CALN1: variants seen among roughly 807,000 people sequenced by gnomAD.
CALN1 encodes the protein calneuron 1.
In CALN1, 17 loss-of-function variants were observed where a neutral mutation model predicts 30.6. The observed-to-expected ratio is 0.56, with a 90% CI of 0.38 to 0.83. The LOEUF (loss-of-function observed/expected upper bound fraction) is 0.83. CALN1 is among the 40% of genes least tolerant of loss of function. The pLI, the probability that CALN1 is intolerant of heterozygous loss-of-function variation, is 0.00. For synonymous variants in CALN1, 156 were observed against 131.4 expected (o/e 1.19, Z -1.28); for missense variants, 291 against 354.9 (o/e 0.82, Z 1.45).
At chr7:72,176,210 T>C (rs564502348) in intron 3 of CALN1, among the ~76,000 whole-genome samples, 1 of 152,322 alleles carries the variant, frequency 6.6e-6, no homozygotes, top group South Asian at 2.1e-4. Flanking sequence ...AAGCTACTTT[T>C]CGTGTTTCCT....
chr7:71,836,362 A>T (rs987771951), intron 5 of CALN1, among the ~76,000 whole-genome samples: 1 of 152,194 alleles, frequency 6.6e-6, no homozygotes, highest in Non-Finnish European at 1.5e-5. Flanking sequence ...GCACAGGTGG[A>T]CCTGGATCTG....
Position 71,810,434 on chromosome 7 carries a change from C to T in CALN1, c.560G>A (p.Arg187Gln), listed in dbSNP as rs746732814. 10 of 1,614,012 alleles carry T rather than the reference C, an allele frequency of 6.2e-6. No homozygotes were observed. The highest frequency in any genetic ancestry group is 4.5e-5 in the East Asian group (2 of 44,874). Residue 187 changes from arginine (R) to glutamine (Q), a missense_variant, in exon 6 of 7, where the codon CGA becomes CAA. Arg to Gln is a conservative substitution (Grantham distance 43). This residue lies in a region of CALN1 where 169 missense variants were observed against 251.7 expected (regional missense o/e 0.67). Coordinates refer to ENST00000395275, the MANE Select transcript of CALN1 (RefSeq NM_031468.4). ...AATGTCCTTCATCGTTAGGTGGTCT[C>T]GGAAGGCATGATAGAGAATGTGCTT... ...ELKHILYHAF[R>Q]DHLTMKDIEN...
chr7:71,830,033 C>CTTT (rs67629864), intron 5 of CALN1, among the ~76,000 whole-genome samples: 104 of 136,716 alleles, frequency 7.6e-4, no homozygotes, highest in African/African-American at 2.5e-3. Flanking sequence ...GAGTAAGTTC[C>CTTT]TTTTTTTTTT....
upstream of CALN1, among the ~76,000 whole-genome samples, chr7:72,414,923 T>C (rs1213897598): frequency 2.6e-5 from 4 of 152,218 alleles, no homozygotes; most frequent in Non-Finnish European, 4.4e-5. Context: ...TATCTGAAGA[T>C]AGGGGTTTGG....
At chr7:72,495,243 G>C in the CALN1 span, among the ~76,000 whole-genome samples, 1 of 152,110 alleles carries the variant, frequency 6.6e-6, no homozygotes, top group Non-Finnish European at 1.5e-5. Flanking sequence ...ATTTCTGCCA[G>C]GTGTTCATCC....
intron 3 of CALN1, among the ~76,000 whole-genome samples, chr7:72,142,750 AC>A (rs774351963): frequency 6.6e-6 from 1 of 152,126 alleles, no homozygotes; most frequent in Non-Finnish European, 1.5e-5. Flanking sequence ...GACACCTCAC[AC>A]GGCTGGGTAC....
At chr7:72,268,631 C>T (rs1382286970) in intron 3 of CALN1, among the ~76,000 whole-genome samples, 1 of 151,980 alleles carries the variant, frequency 6.6e-6, no homozygotes, top group Non-Finnish European at 1.5e-5. Context: ...CATGGCAAAC[C>T]CTGTCTCTAC....
chr7:72,428,216 T>C (rs768048736), intron 1 of CALN1, among the ~76,000 whole-genome samples: 2 of 152,132 alleles, frequency 1.3e-5, no homozygotes, highest in African/African-American at 2.4e-5. Flanking sequence ...AATCACAGAG[T>C]AGCTCATATT....
At chr7:72,019,542 A>T (rs1337957667) in intron 5 of CALN1, among the ~76,000 whole-genome samples, 2 of 152,196 alleles carry the variant, frequency 1.3e-5, no homozygotes, top group Non-Finnish European at 2.9e-5. Context: ...GCTTTGAGGG[A>T]AACTGGCTGC....
intron 3 of CALN1, among the ~76,000 whole-genome samples, chr7:72,118,806 C>T (rs961748938): frequency 8.5e-5 from 13 of 152,252 alleles, no homozygotes; most frequent in Middle Eastern, 6.8e-3. Flanking sequence ...GAAGGGATCT[C>T]GCATTGCTGG....
intron 4 of CALN1, among the ~76,000 whole-genome samples, chr7:72,049,419 A>G (rs1015096328): frequency 6.6e-6 from 1 of 152,220 alleles, no homozygotes; most frequent in Admixed American, 6.5e-5. Context: ...CTAGCAGATC[A>G]AATAAGCAAA....
intron 3 of CALN1, among the ~76,000 whole-genome samples, chr7:72,180,081 C>A (rs1237834564): frequency 6.6e-6 from 1 of 152,196 alleles, no homozygotes; most frequent in Non-Finnish European, 1.5e-5. Context: ...CTTTTCAAGT[C>A]ATTGACTTGT....
chr7:72,400,608 G>A (rs1361285211), intron 2 of CALN1, among the ~76,000 whole-genome samples: 2 of 152,222 alleles, frequency 1.3e-5, no homozygotes, highest in Non-Finnish European at 2.9e-5. Context: ...CATGGTTCAA[G>A]CCTATAATCC....
intron 4 of CALN1, among the ~76,000 whole-genome samples, chr7:72,044,820 A>G (rs539381704): frequency 6.6e-6 from 1 of 151,830 alleles, no homozygotes; most frequent in African/African-American, 2.4e-5. Flanking sequence ...GGGTCTCACT[A>G]TGTTCCCCAG....
chr7:71,977,965 A>C (rs1798183446), intron 5 of CALN1, among the ~76,000 whole-genome samples: 1 of 151,394 alleles, frequency 6.6e-6, no homozygotes, highest in Admixed American at 6.6e-5. Context: ...ATGCAAAGAA[A>C]ACCAAAATCA....
the CALN1 span, among the ~76,000 whole-genome samples, chr7:72,502,284 T>C: frequency 6.7e-6 from 1 of 150,316 alleles, no homozygotes; most frequent in Non-Finnish European, 1.5e-5. Context: ...AGGGATTGGC[T>C]TTAAAATCTT....
intron 2 of CALN1, among the ~76,000 whole-genome samples, chr7:72,390,396 A>C (rs1397848258): frequency 2.0e-5 from 3 of 152,140 alleles, no homozygotes; most frequent in Non-Finnish European, 2.9e-5. Flanking sequence ...ACGCCACTGC[A>C]CTCTAGCCTG....
intron 4 of CALN1, among the ~76,000 whole-genome samples, chr7:72,096,520 C>T (rs1340126208): frequency 6.7e-6 from 1 of 148,226 alleles, no homozygotes; most frequent in Non-Finnish European, 1.5e-5. Context: ...AAGGATCAGG[C>T]TCATGGCCGG....
intron 2 of CALN1, among the ~76,000 whole-genome samples, chr7:72,376,704 G>C (rs1009130693): frequency 6.6e-6 from 1 of 152,052 alleles, no homozygotes; most frequent in Non-Finnish European, 1.5e-5. Flanking sequence ...ATACGTTTTA[G>C]ATTTTGATGA....
Sources: gnomAD v4.1 joint callset for allele counts (sites outside exome capture counted in the v4.1 genomes callset) on GRCh38, gnomAD v4.1.1 for gene constraint, gnomAD v4.1.1 regional missense constraint, MANE v1.5 for transcripts, NCBI Gene and HGNC (gene_info 2026-07-23, HGNC 2026-07-21) for gene names.